The following RTL4 variants were observed in gnomAD, a reference collection of about 807,000 sequenced individuals.
RTL4 encodes the protein retrotransposon Gag like 4.
Under a neutral mutation model 5.3 loss-of-function variants are expected in RTL4, and 4 were observed. That is an observed-to-expected ratio of 0.75 (90% CI 0.37 to 1.72). RTL4 has a LOEUF of 1.72. RTL4 is among the 40% of genes most tolerant of loss of function. The pLI, the probability that RTL4 is intolerant of heterozygous loss-of-function variation, is 0.04. For missense variants in RTL4, 260 were observed against 227.1 expected, an observed-to-expected ratio of 1.14 and a Z score of -0.93; for synonymous variants, 98 against 87.3, an observed-to-expected ratio of 1.12 and a Z score of -0.68.
the RTL4 span, among the ~76,000 whole-genome samples, chrX:112,112,801 G>C: frequency 8.0e-5 from 9 of 111,863 alleles, no homozygotes; most frequent in Non-Finnish European, 1.1e-4. Context: ...ATCCACGTAA[G>C]TTGGGACGTG....
chrX:112,419,337 C>CTTTTT, the RTL4 span, among the ~76,000 whole-genome samples: 37 of 24,390 alleles, frequency 1.5e-3, 10 homozygotes, highest in African/African-American at 3.0e-3. Flanking sequence ...TTCCATTCAG[C>CTTTTT]TTTTTTTTTT....
chrX:112,132,665 C>T, the RTL4 span, among the ~76,000 whole-genome samples: 1 of 112,120 alleles, frequency 8.9e-6, no homozygotes, highest in African/African-American at 3.2e-5. Context: ...GAGCACCAAC[C>T]CTAGCACCCT....
At chrX:112,387,015 C>CT in the RTL4 span, among the ~76,000 whole-genome samples, 1 of 100,713 alleles carries the variant, frequency 9.9e-6, no homozygotes, top group Admixed American at 1.2e-4. Flanking sequence ...ATGCCAACAT[C>CT]TATTTTTTTT....
At chrX:112,158,641 A>C in the RTL4 span, among the ~76,000 whole-genome samples, 1 of 111,147 alleles carries the variant, frequency 9.0e-6, no homozygotes, top group Non-Finnish European at 1.9e-5. Context: ...GTCATTATGC[A>C]TGCCTCTATA....
At chrX:112,311,624 C>A in the RTL4 span, among the ~76,000 whole-genome samples, 21 of 111,201 alleles carry the variant, frequency 1.9e-4, no homozygotes, top group African/African-American at 6.9e-4. Context: ...GAGCACATTT[C>A]TTCCTTTACA....
chrX:112,167,708 C>T, the RTL4 span, among the ~76,000 whole-genome samples: 695 of 107,199 alleles, frequency 6.5e-3, 3 homozygotes, highest in South Asian at 0.014. Flanking sequence ...TTTTTCAATC[C>T]TGCTCATACT....
chrX:112,175,994 C>G, the RTL4 span, among the ~76,000 whole-genome samples: 4 of 110,285 alleles, frequency 3.6e-5, no homozygotes, highest in Non-Finnish European at 7.6e-5. Flanking sequence ...TGTCTCAGCC[C>G]AAAATCTCCT....
At chrX:112,221,930 C>T in the RTL4 span, among the ~76,000 whole-genome samples, 1 of 112,457 alleles carries the variant, frequency 8.9e-6, no homozygotes, top group Non-Finnish European at 1.9e-5. Flanking sequence ...TTCTTGTTTT[C>T]ACTGTGTTGT....
chrX:112,325,229 GTAATTTA>G, the RTL4 span, among the ~76,000 whole-genome samples: 1 of 111,486 alleles, frequency 9.0e-6, no homozygotes, highest in African/African-American at 3.3e-5. Flanking sequence ...ACTGCCCAAG[GTAATTTA>G]TAGATTCAAT....
At chrX:112,330,365 A>AAAAG in the RTL4 span, among the ~76,000 whole-genome samples, 2 of 79,197 alleles carry the variant, frequency 2.5e-5, no homozygotes, top group African/African-American at 1.7e-4. Context: ...ATACACCAAC[A>AAAAG]ACAGACAGAG....
At chrX:112,223,951 C>T in the RTL4 span, among the ~76,000 whole-genome samples, 1 of 112,119 alleles carries the variant, frequency 8.9e-6, no homozygotes, top group Non-Finnish European at 1.9e-5. Context: ...GATCAACTCA[C>T]TCTTTGGTCT....
the RTL4 span, among the ~76,000 whole-genome samples, chrX:112,243,765 T>C: frequency 8.9e-6 from 1 of 111,751 alleles, no homozygotes; most frequent in African/African-American, 3.3e-5. Context: ...CTCTTTCTTC[T>C]CTGGTTCTTT....
chrX:112,360,310 G>T, the RTL4 span, among the ~76,000 whole-genome samples: 1,680 of 111,111 alleles, frequency 0.015, 35 homozygotes, highest in African/African-American at 0.052. Context: ...AGGTTTCAAG[G>T]CCTAGATTTG....
At chrX:112,419,595 T>TA in the RTL4 span, among the ~76,000 whole-genome samples, 43 of 28,153 alleles carry the variant, frequency 1.5e-3, 3 homozygotes, top group South Asian at 0.056. Flanking sequence ...ATATATATAT[T>TA]TTTACATATG....
the RTL4 span, among the ~76,000 whole-genome samples, chrX:112,431,768 T>C: frequency 1.8e-5 from 2 of 108,881 alleles, no homozygotes; most frequent in African/African-American, 3.3e-5. Context: ...TTAGGGTACA[T>C]GTGCACAATG....
the RTL4 span, among the ~76,000 whole-genome samples, chrX:112,190,149 T>C: frequency 1.3e-5 from 1 of 76,578 alleles, no homozygotes; most frequent in African/African-American, 5.5e-5. Flanking sequence ...CCTTTCTTTC[T>C]TTCTTTCTTT....
chrX:112,373,704 A>ATG, the RTL4 span, among the ~76,000 whole-genome samples: 3 of 101,769 alleles, frequency 2.9e-5, no homozygotes, highest in Admixed American at 3.2e-4. Flanking sequence ...ATATATATGT[A>ATG]TATATACCAG....
the RTL4 span, among the ~76,000 whole-genome samples, chrX:112,236,623 A>G: frequency 9.4e-6 from 1 of 105,989 alleles, no homozygotes; most frequent in African/African-American, 3.4e-5. Context: ...AGAGAAATTC[A>G]CAATGTCCAG....
chrX:112,229,594 T>G, the RTL4 span, among the ~76,000 whole-genome samples: 1 of 112,127 alleles, frequency 8.9e-6, no homozygotes, highest in African/African-American at 3.2e-5. Context: ...TGGGCCACAT[T>G]GGAAGAAAAA....
Sources: gnomAD v4.1 joint callset for allele counts (sites outside exome capture counted in the v4.1 genomes callset) on GRCh38, gnomAD v4.1.1 for gene constraint, MANE v1.5 for transcripts, NCBI Gene and HGNC (gene_info 2026-07-23, HGNC 2026-07-21) for gene names.